The following ANKS1B variants were observed in gnomAD, a reference collection of about 807,000 sequenced individuals.
The protein encoded by ANKS1B is ankyrin repeat and sterile alpha motif domain-containing protein 1B.
ANKS1B carries 36 observed loss-of-function variants against 148.3 expected under a neutral mutation model. The observed-to-expected ratio is 0.24, with a 90% CI of 0.19 to 0.32. The LOEUF is 0.32. Among genes scored for constraint, ANKS1B ranks in the 10% least tolerant of loss-of-function variants. The probability of loss-of-function intolerance (pLI) is 1.00; values close to 1 mark genes in which losing one functional copy is unlikely to be tolerated. For synonymous variants in ANKS1B, 542 were observed against 560.8 expected (o/e 0.97, Z 0.47); for missense variants, 1,157 against 1,542.6 (o/e 0.75, Z 4.19).
At chr12:99,952,751 T>C (rs1266310300) in intron 1 of ANKS1B, among the ~76,000 whole-genome samples, 1 of 152,234 alleles carries the variant, frequency 6.6e-6, no homozygotes, top group Non-Finnish European at 1.5e-5. Flanking sequence ...ATGTCTTTTC[T>C]ATAGGGACTT....
intron 8 of ANKS1B, among the ~76,000 whole-genome samples, chr12:99,665,635 C>T (rs2098502592): frequency 5.9e-5 from 9 of 152,014 alleles, no homozygotes. Flanking sequence ...TACAGGCGCC[C>T]ACCACCACGC....
At chr12:99,415,563 CAT>C (rs1363507876) in intron 11 of ANKS1B, among the ~76,000 whole-genome samples, 1 of 152,084 alleles carries the variant, frequency 6.6e-6, no homozygotes, top group Non-Finnish European at 1.5e-5. Context: ...TGTGAGAAAT[CAT>C]AGAGTGCACT....
intron 19 of ANKS1B, among the ~76,000 whole-genome samples, chr12:98,811,181 T>C (rs975176682): frequency 6.6e-6 from 1 of 152,188 alleles, no homozygotes; most frequent in African/African-American, 2.4e-5. Context: ...AGAGCTCTTC[T>C]AGGATAGAGG....
In ANKS1B at chr12:99,569,069, T is replaced by C. The variant is rs532521501; in HGVS notation, c.1273-64428A>G. 1.9e-3 allele frequency among the ~76,000 whole-genome samples: 288 copies of C among 152,276 alleles called. 1 individual carries two copies. Among genetic ancestry groups the C allele is most frequent in the Non-Finnish European group, 3.0e-3 (201 of 68,012 alleles). ...TGGTTTCAACAAAGCTTTAAAGAAGTATAGAGAACATGGAACAATCTGTGA... is the reference window on the plus strand; with the variant it reads ...TGGTTTCAACAAAGCTTTAAAGAAGCATAGAGAACATGGAACAATCTGTGA... On this transcript the variant is annotated intron_variant, in intron 9 of 26. Coordinates refer to ENST00000683438, the MANE Select transcript of ANKS1B (RefSeq NM_001352186.2).
chr12:98,795,766 G>A (rs1360876896), intron 22 of ANKS1B: 4 of 396,742 alleles, frequency 1.0e-5, no homozygotes, highest in African/African-American at 2.1e-5. Flanking sequence ...GATTCACAGT[G>A]TGGGTAGTGG....
Position 98,895,704 on chromosome 12 carries a change from C to T in ANKS1B, c.2779-63568G>A, listed in dbSNP as rs182631112. On this transcript the variant is annotated intron_variant, in intron 17 of 26. Coordinates refer to ENST00000683438, the MANE Select transcript of ANKS1B (RefSeq NM_001352186.2). ...GTGAGATTTTGATAAGGTTCAAATACTCCTCACTCCTGCCTCCGGTTTCCA... is the reference window on the plus strand; with the variant it reads ...GTGAGATTTTGATAAGGTTCAAATATTCCTCACTCCTGCCTCCGGTTTCCA... 2.0e-5 allele frequency among the ~76,000 whole-genome samples: 3 copies of T among 152,300 alleles called. No homozygotes were observed. In the East Asian group the frequency reaches 5.8e-4, roughly 29 times the overall value.
chr12:99,546,579 A>G (rs572185150), intron 9 of ANKS1B, among the ~76,000 whole-genome samples: 8 of 152,290 alleles, frequency 5.3e-5, no homozygotes, highest in African/African-American at 1.9e-4. Context: ...GGGATCTCTG[A>G]TAAGTACAGG....
chr12:99,492,470 T>C (rs1567206620), intron 10 of ANKS1B, among the ~76,000 whole-genome samples: 1 of 149,198 alleles, frequency 6.7e-6, no homozygotes, highest in Non-Finnish European at 1.5e-5. Flanking sequence ...TTCTACCCAA[T>C]ATACAAAGAA....
chr12:98,973,107 G>A (rs2153217704), intron 17 of ANKS1B, among the ~76,000 whole-genome samples: 1 of 151,964 alleles, frequency 6.6e-6, no homozygotes, highest in Admixed American at 6.6e-5. Flanking sequence ...AATTTTTATT[G>A]GGTATATAAT....
chr12:98,814,127 G>T (rs981746605), intron 19 of ANKS1B, among the ~76,000 whole-genome samples: 26 of 146,824 alleles, frequency 1.8e-4, no homozygotes, highest in African/African-American at 6.6e-4. Context: ...TGATCTGCCT[G>T]CCTCGGCCTC....
At chr12:98,821,503 C>G (rs560695545) in intron 19 of ANKS1B, among the ~76,000 whole-genome samples, 11 of 145,048 alleles carry the variant, frequency 7.6e-5, no homozygotes, top group African/African-American at 2.4e-4. Flanking sequence ...CTGTCTGTCT[C>G]TCTCTCTCTG....
intron 9 of ANKS1B, among the ~76,000 whole-genome samples, chr12:99,604,928 A>C (rs2153312344): frequency 6.6e-6 from 1 of 152,160 alleles, no homozygotes; most frequent in Non-Finnish European, 1.5e-5. Flanking sequence ...AGTTTTCTTA[A>C]GTAATCAAAG....
At chr12:99,369,649 A>C (rs2092973472) in intron 12 of ANKS1B, among the ~76,000 whole-genome samples, 1 of 152,124 alleles carries the variant, frequency 6.6e-6, no homozygotes, top group African/African-American at 2.4e-5. Flanking sequence ...TGTATACTGA[A>C]ATATTTAGGA....
At chr12:99,687,040 C>T (rs1160505296) in intron 8 of ANKS1B, among the ~76,000 whole-genome samples, 2 of 152,108 alleles carry the variant, frequency 1.3e-5, no homozygotes, top group Non-Finnish European at 2.9e-5. Context: ...ACAGTGAATT[C>T]TGTCTGTGTT....
intron 17 of ANKS1B, among the ~76,000 whole-genome samples, chr12:99,029,264 C>T (rs577908865): frequency 1.6e-4 from 25 of 152,270 alleles, no homozygotes; most frequent in African/African-American, 5.3e-4. Flanking sequence ...AAGAAAATCC[C>T]CATTTCCCCA....
intron 17 of ANKS1B, among the ~76,000 whole-genome samples, chr12:99,014,704 G>A (rs1038021097): frequency 2.0e-5 from 3 of 152,118 alleles, no homozygotes; most frequent in Non-Finnish European, 4.4e-5. Flanking sequence ...CATAAAAAGT[G>A]GGCAAAGGAC....
chr12:98,943,530 C>A (rs2099840323), intron 17 of ANKS1B, among the ~76,000 whole-genome samples: 1 of 152,136 alleles, frequency 6.6e-6, no homozygotes, highest in Non-Finnish European at 1.5e-5. Flanking sequence ...CATGTTTCAT[C>A]TGTAGAAGGG....
chr12:99,018,312 A>C (rs2099943776), intron 17 of ANKS1B, among the ~76,000 whole-genome samples: 3 of 152,194 alleles, frequency 2.0e-5, no homozygotes, highest in Non-Finnish European at 4.4e-5. Flanking sequence ...GACACATAGT[A>C]GGCACCATCT....
At chr12:98,990,324 G>A (rs546802001) in intron 17 of ANKS1B, among the ~76,000 whole-genome samples, 3 of 151,518 alleles carry the variant, frequency 2.0e-5, no homozygotes, top group Non-Finnish European at 4.4e-5. Flanking sequence ...TTTTGGGTAC[G>A]GAAACGCTAC....
Sources: gnomAD v4.1 joint callset for allele counts (sites outside exome capture counted in the v4.1 genomes callset) on GRCh38, gnomAD v4.1.1 for gene constraint, MANE v1.5 for transcripts, NCBI Gene and HGNC (gene_info 2026-07-23, HGNC 2026-07-21) for gene names.